Variants in NEDD4L observed in about 807,000 individuals in gnomAD.
NEDD4L encodes the protein NEDD4 like E3 ubiquitin protein ligase, also known as E3 ubiquitin-protein ligase NEDD4-like.
NEDD4L carries 54 observed loss-of-function variants against 148.9 expected under a neutral mutation model. The observed-to-expected ratio is 0.36, with a 90% confidence interval of 0.29 to 0.45. The LOEUF (loss-of-function observed/expected upper bound fraction) is 0.45. NEDD4L is among the 20% of genes least tolerant of loss of function. NEDD4L has a pLI of 1.00. For missense variants in NEDD4L, 856 were observed against 1,233.8 expected, an observed-to-expected ratio of 0.69 and a Z score of 4.59; for synonymous variants, 433 against 440.7, an observed-to-expected ratio of 0.98 and a Z score of 0.22.
chr18:58,245,824 G>C (rs1278235747), intron 3 of NEDD4L, among the ~76,000 whole-genome samples: 4 of 149,818 alleles, frequency 2.7e-5, no homozygotes, highest in Admixed American at 6.7e-5. Context: ...GGGATTACAG[G>C]CACCTGTCAC....
chr18:58,152,169 C>G (rs915798250), intron 1 of NEDD4L, among the ~76,000 whole-genome samples: 12 of 151,992 alleles, frequency 7.9e-5, no homozygotes, highest in Non-Finnish European at 2.9e-5. Context: ...CCTGTACTGT[C>G]GCAACCCTGA....
intron 23 of NEDD4L, among the ~76,000 whole-genome samples, chr18:58,371,122 C>T (rs1028552700): frequency 6.1e-5 from 8 of 132,230 alleles, no homozygotes; most frequent in Admixed American, 1.5e-4. Context: ...GGCTCACTTC[C>T]GCCTTGCGGA....
At chr18:58,045,504 C>G (rs116985893) in intron 1 of NEDD4L, 7,621 of 178,088 alleles carry the variant, frequency 0.043, 221 homozygotes, top group Non-Finnish European at 0.063. Flanking sequence ...CTGGAAAGGG[C>G]TTTGTTTTTA....
At chr18:58,390,770 GTCC>G (rs780332530) in intron 29 of NEDD4L, 28 bp downstream of exon 29, 6 of 1,498,988 alleles carry the variant, frequency 4.0e-6, no homozygotes, top group Admixed American at 3.8e-5. Context: ...GGATTCAGTT[GTCC>G]TCCTGGGAAT....
At chr18:58,210,749 A>G (rs1474062325) in intron 2 of NEDD4L, among the ~76,000 whole-genome samples, 2 of 152,236 alleles carry the variant, frequency 1.3e-5, no homozygotes, top group African/African-American at 4.8e-5. Context: ...ATTTTATAAA[A>G]CCATCAAAAT....
At chr18:58,048,665 C>T (rs1013002280) in intron 1 of NEDD4L, among the ~76,000 whole-genome samples, 2 of 152,178 alleles carry the variant, frequency 1.3e-5, no homozygotes, top group Admixed American at 6.5e-5. Flanking sequence ...CTGATGGCTG[C>T]TGGGCCCGAT....
intron 2 of NEDD4L, among the ~76,000 whole-genome samples, chr18:58,232,578 G>A (rs187580306): frequency 3.7e-3 from 556 of 152,308 alleles, no homozygotes; most frequent in Non-Finnish European, 5.9e-3. Context: ...CTGTGTAACC[G>A]GAGAAAATAC....
chr18:58,366,283 T>C lies in NEDD4L; in HGVS notation c.2063+55T>C. 1.6e-6 allele frequency: 2 copies of C among 1,268,040 alleles called. No individual in the cohort carries two copies. The highest frequency in any genetic ancestry group is 2.2e-6 in the Non-Finnish European group (2 of 920,208). The allele number at this position is 1,268,040 out of a possible 1,614,324, so 78.5% of individuals were successfully genotyped here. ...CCCCCACTGAGACAGTTGTATGAAT[T>C]TAAACAGAATGAAAGGATAAGCAGC... On this transcript the variant is annotated intron_variant, in intron 21 of 30. Transcript: ENST00000400345. This position sits in a 1 kb window ranked among gnomAD's most constrained non-coding sequence, Gnocchi z 4.2.
At chr18:58,110,125 G>A (rs2085330725) in intron 1 of NEDD4L, among the ~76,000 whole-genome samples, 1 of 152,216 alleles carries the variant, frequency 6.6e-6, no homozygotes, top group South Asian at 2.1e-4. Context: ...CAAGATGGGT[G>A]TGTCTGGGGT....
At chr18:58,073,841 A>G (rs2083018736) in intron 1 of NEDD4L, among the ~76,000 whole-genome samples, 1 of 152,204 alleles carries the variant, frequency 6.6e-6, no homozygotes, top group African/African-American at 2.4e-5. Flanking sequence ...AGAGGGGCAG[A>G]CTTTATGGTA....
At chr18:58,201,164 C>T (rs1209937938) in intron 2 of NEDD4L, among the ~76,000 whole-genome samples, 1 of 152,148 alleles carries the variant, frequency 6.6e-6, no homozygotes, top group African/African-American at 2.4e-5. Flanking sequence ...GAAACCCCAT[C>T]TCTACTAAAA....
At chr18:58,303,002 G>A (rs148968547) in intron 5 of NEDD4L, among the ~76,000 whole-genome samples, 144 of 152,312 alleles carry the variant, frequency 9.5e-4, no homozygotes, top group African/African-American at 3.3e-3. Flanking sequence ...ACTAGGGTGA[G>A]GCAAGAGAGG....
In NEDD4L at chr18:58,165,861, G is replaced by T; in HGVS notation, c.122G>T (p.Ser41Ile). 1 of 1,604,108 alleles carries T rather than the reference G, an allele frequency of 6.2e-7. No homozygotes were observed. ...GCCAAAAAGGACATCTTTGGAGCCA[G>T]GTATGTTGGCTTTGTTTTTATTTCT... ...DLAKKDIFGA[S>I]DPYVKLSLYV... is the part of the protein sequence containing the mutation. Residue 41 changes from serine (S) to isoleucine (I), a missense_variant and splice_region_variant, in exon 2 of 31, where the codon AGT becomes ATT. Ser to Ile is a moderately radical substitution (Grantham distance 142). This residue lies in a region of NEDD4L where 193 missense variants were observed against 244.2 expected (regional missense o/e 0.79). Transcript: ENST00000400345.
At chr18:58,261,328 C>A (rs1274753493) in intron 5 of NEDD4L, among the ~76,000 whole-genome samples, 2 of 152,138 alleles carry the variant, frequency 1.3e-5, no homozygotes, top group Non-Finnish European at 2.9e-5. Flanking sequence ...TTTACCATGT[C>A]ATTTTGCTGT....
rs980810202 is a variant in NEDD4L, at chr18:58,267,636, A to C, written c.297+15582A>C. Among the ~76,000 whole-genome samples the C allele has an allele frequency of 3.9e-5, 6 of 151,964 alleles. No individual in the cohort carries two copies. In the East Asian group the frequency reaches 9.6e-4, roughly 24 times the overall value. On this transcript the variant is annotated intron_variant, in intron 5 of 30. Coordinates refer to ENST00000400345, the MANE Select transcript of NEDD4L (RefSeq NM_001144967.3). ...CCTTAGTACTTAGCCTGTCATTTTC[A>C]TGTTGCAATGCCTAGAAAATGGGAG...
At chr18:58,308,032 T>G (rs572083459) in intron 5 of NEDD4L, among the ~76,000 whole-genome samples, 62 of 152,268 alleles carry the variant, frequency 4.1e-4, no homozygotes, top group African/African-American at 1.5e-3. Flanking sequence ...TATCCTGAAA[T>G]CTTAAGAAAT....
chr18:58,152,877 GGTACCTGCAAGTACCTA>G (rs1041452989), intron 1 of NEDD4L, among the ~76,000 whole-genome samples: 67 of 152,308 alleles, frequency 4.4e-4, no homozygotes, highest in Admixed American at 3.2e-3. Context: ...CAGAGAACCT[GGTACCTGCAAGTACCTA>G]GTACCTGCAA....
Position 58,256,670 on chromosome 18 carries a change from C to T in NEDD4L, c.297+4616C>T. ...GATCAGGCAGGATCAGAACGCGGGG[C>T]AGCAGCATTTTAGAATTCTTGTAAC... On this transcript the variant is annotated intron_variant, in intron 5 of 30. Transcript: ENST00000400345. The surrounding 1 kb of genome is among the most constrained non-coding windows in gnomAD (Gnocchi z 5.2). 8.1e-7 allele frequency: 1 copy of T among 1,232,178 alleles called. No individual in the cohort carries two copies. The highest frequency in any genetic ancestry group is 1.0e-6 in the Non-Finnish European group (1 of 988,020). The allele number at this position is 1,232,178 out of a possible 1,614,324, so 76.3% of individuals were successfully genotyped here. A position where few individuals can be genotyped will look rare whatever the true frequency, so the allele number is the denominator to read the frequency against.
chr18:58,110,971 A>G (rs1028799263), intron 1 of NEDD4L, among the ~76,000 whole-genome samples: 3 of 152,236 alleles, frequency 2.0e-5, no homozygotes, highest in African/African-American at 7.2e-5. Context: ...TTATTGAGAT[A>G]TGATTCACAT....
Sources: allele counts gnomAD v4.1 joint callset (sites outside exome capture counted in the v4.1 genomes callset), GRCh38; gene constraint gnomAD v4.1.1; regional missense constraint gnomAD v4.1.1; non-coding constraint Gnocchi (gnomAD v3.1); transcripts MANE v1.5; gene names NCBI Gene and HGNC (gene_info 2026-07-23, HGNC 2026-07-21).